The following MIPOL1 variants were observed in gnomAD, a reference collection of about 807,000 sequenced individuals.
MIPOL1 encodes mirror-image polydactyly 1, also known as mirror-image polydactyly gene 1 protein.
A neutral mutation model predicts 60.9 loss-of-function variants in MIPOL1; 57 were observed. The observed-to-expected ratio is 0.94, with a 90% CI of 0.76 to 1.17. The LOEUF (loss-of-function observed/expected upper bound fraction) is 1.17, where lower values mean the gene tolerates loss of function less well. MIPOL1 is among the 50% of genes most tolerant of loss of function. The pLI is 0.00. For missense variants in MIPOL1, 551 were observed against 511.6 expected (o/e 1.08, Z -0.74); for synonymous variants, 179 against 168.8 (o/e 1.06, Z -0.47).
chr14:37,310,058 C>T (rs2087181105), intron 9 of MIPOL1, among the ~76,000 whole-genome samples: 1 of 152,074 alleles, frequency 6.6e-6, no homozygotes, highest in Non-Finnish European at 1.5e-5. Flanking sequence ...TACTCCCCCA[C>T]CCCAACACAC....
At chr14:37,348,252 A>T (rs2091086736) in intron 9 of MIPOL1, among the ~76,000 whole-genome samples, 1 of 152,194 alleles carries the variant, frequency 6.6e-6, no homozygotes, top group Non-Finnish European at 1.5e-5. Context: ...GATTTCCTCT[A>T]AATTAACTTT....
At position 37,547,242 on chromosome 14, in the gene MIPOL1, A is replaced by G. The variant is rs574841576; in HGVS notation, c.*271A>G. On this transcript the variant is annotated 3_prime_UTR_variant, in exon 13 of 13. Transcript: ENST00000684589. ...TATTTTGTAACTATTTTATATCTCA[A>G]TATCTTTAATATAAATCTTTTTACT... 1.1e-4 allele frequency: 37 copies of G among 350,500 alleles called. No homozygotes were observed. The highest frequency in any genetic ancestry group is 7.2e-4 in the African/African-American group (34 of 47,412). 21.7% of individuals were successfully genotyped at this position (350,500 alleles called of 1,614,324 possible).
intron 11 of MIPOL1, among the ~76,000 whole-genome samples, chr14:37,433,958 G>A (rs2094120856): frequency 6.6e-6 from 1 of 152,164 alleles, no homozygotes; most frequent in Non-Finnish European, 1.5e-5. Context: ...TTGGTTCCAA[G>A]TGTTTCCTAT....
In MIPOL1 at chr14:37,459,800, C is replaced by T. The variant is rs559644012; in HGVS notation, c.1031+36851C>T. Among the ~76,000 whole-genome samples, 18 of 152,166 alleles carry T rather than the reference C, an allele frequency of 1.2e-4. No individual in the cohort carries two copies. The South Asian group carries it at 2.3e-3, about 19-fold the overall frequency. ...AATTTTAGCAAACAGGCTGGGTGGGCGTGGTGGCTCATGCCTATAATCCCA... is the reference window on the plus strand; with the variant it reads ...AATTTTAGCAAACAGGCTGGGTGGGTGTGGTGGCTCATGCCTATAATCCCA... On this transcript the variant is annotated intron_variant, in intron 11 of 12. Coordinates refer to ENST00000684589, the MANE Select transcript of MIPOL1 (RefSeq NM_001388067.1).
intron 6 of MIPOL1, among the ~76,000 whole-genome samples, chr14:37,275,374 T>C (rs991607124): frequency 2.0e-5 from 3 of 151,146 alleles, no homozygotes; most frequent in Non-Finnish European, 3.0e-5. Context: ...TCTTTGAGTA[T>C]GTATCTCTTC....
intron 11 of MIPOL1, among the ~76,000 whole-genome samples, chr14:37,473,493 C>T (rs1476059139): frequency 2.6e-5 from 4 of 152,122 alleles, no homozygotes; most frequent in African/African-American, 9.7e-5. Flanking sequence ...TTCACTCCTA[C>T]TGAATTTGGT....
intron 11 of MIPOL1, among the ~76,000 whole-genome samples, chr14:37,451,993 T>C (rs1218978449): frequency 2.0e-5 from 3 of 151,054 alleles, no homozygotes; most frequent in Admixed American, 6.6e-5. Flanking sequence ...TTTTTTGTAT[T>C]TTTAGTAGAG....
intron 7 of MIPOL1, among the ~76,000 whole-genome samples, chr14:37,286,016 A>G (rs2084533902): frequency 6.6e-6 from 1 of 152,168 alleles, no homozygotes; most frequent in South Asian, 2.1e-4. Context: ...ATTTCTTCAT[A>G]GTTTTGTTGT....
At chr14:37,303,276 T>C (rs1426465792) in intron 7 of MIPOL1, among the ~76,000 whole-genome samples, 1 of 151,876 alleles carries the variant, frequency 6.6e-6, no homozygotes, top group Non-Finnish European at 1.5e-5. Context: ...TCAGAATGTC[T>C]ACCTCAGATT....
intron 11 of MIPOL1, among the ~76,000 whole-genome samples, chr14:37,475,503 A>G (rs1293819751): frequency 6.6e-6 from 1 of 152,002 alleles, no homozygotes; most frequent in African/African-American, 2.4e-5. Context: ...ATCAAGCCCA[A>G]GGTCACCTAG....
At chr14:37,447,729 G>A (rs2094358291) in intron 11 of MIPOL1, among the ~76,000 whole-genome samples, 1 of 152,116 alleles carries the variant, frequency 6.6e-6, no homozygotes, top group Admixed American at 6.6e-5. Flanking sequence ...GTGCTCATTT[G>A]CATTTTACTC....
intron 11 of MIPOL1, among the ~76,000 whole-genome samples, chr14:37,442,713 A>G (rs1369553926): frequency 6.6e-6 from 1 of 151,822 alleles, no homozygotes; most frequent in Non-Finnish European, 1.5e-5. Flanking sequence ...CATAAAAAAA[A>G]GAAGAAAATA....
chr14:37,219,922 G>T (rs1968459887), intron 1 of MIPOL1, among the ~76,000 whole-genome samples: 1 of 151,956 alleles, frequency 6.6e-6, no homozygotes, highest in Admixed American at 6.6e-5. Flanking sequence ...TAATATCTTT[G>T]TTTTATATTG....
intron 11 of MIPOL1, among the ~76,000 whole-genome samples, chr14:37,497,279 A>C (rs923022182): frequency 1.3e-5 from 2 of 152,202 alleles, no homozygotes; most frequent in East Asian, 1.9e-4. Flanking sequence ...GCAACAAAAG[A>C]CAAAATTGAC....
In MIPOL1 at chr14:37,422,909, A is replaced by C; in HGVS notation, c.991A>C (p.Lys331Gln). The change falls in exon 11 of 13, where the codon AAA becomes CAA. Residue 331 changes from lysine to glutamine, a missense_variant. Lys to Gln is a moderately conservative substitution (Grantham distance 53). Transcript: ENST00000684589. ...ARETAVQQYK[K>Q]LEEEIQTLRV... ...AGAAACTGCAGTTCAACAGTACAAAAAACTGGAAGAGGAAATCCAGACCCT... is the reference window on the plus strand; with the variant it reads ...AGAAACTGCAGTTCAACAGTACAAACAACTGGAAGAGGAAATCCAGACCCT... The C allele has an allele frequency of 6.2e-7, 1 of 1,609,714 alleles. No individual in the cohort carries two copies. The highest frequency in any genetic ancestry group is 8.5e-7 in the Non-Finnish European group (1 of 1,177,402).
chr14:37,388,517 A>G (rs2093141378), intron 10 of MIPOL1, among the ~76,000 whole-genome samples: 2 of 149,012 alleles, frequency 1.3e-5, no homozygotes, highest in Admixed American at 1.3e-4. Context: ...TTTTCAATCA[A>G]TTTTGTTGAC....
At chr14:37,412,788 A>G (rs930649280) in intron 10 of MIPOL1, among the ~76,000 whole-genome samples, 7 of 152,138 alleles carry the variant, frequency 4.6e-5, no homozygotes, top group Non-Finnish European at 1.5e-5. Context: ...TTCTGTTTGT[A>G]TATTATACTT....
At chr14:37,384,322 A>G (rs2093008384) in intron 10 of MIPOL1, among the ~76,000 whole-genome samples, 1 of 151,884 alleles carries the variant, frequency 6.6e-6, no homozygotes, top group African/African-American at 2.4e-5. Flanking sequence ...TAGCTCTGAT[A>G]TTAGTTCTTC....
intron 11 of MIPOL1, among the ~76,000 whole-genome samples, chr14:37,464,447 G>A (rs1373965505): frequency 3.3e-5 from 5 of 152,148 alleles, no homozygotes; most frequent in East Asian, 3.9e-4. Context: ...GATGGATCTC[G>A]AGGTCATTAT....
Sources: allele counts gnomAD v4.1 joint callset (sites outside exome capture counted in the v4.1 genomes callset), GRCh38; gene constraint gnomAD v4.1.1; transcripts MANE v1.5; gene names NCBI Gene and HGNC (gene_info 2026-07-23, HGNC 2026-07-21).